Variants in GLI3 observed in about 807,000 individuals in gnomAD.
GLI3 encodes transcription activator GLI3.
In GLI3, 20 loss-of-function variants were observed where a neutral mutation model predicts 100.8. The ratio of observed to expected loss-of-function variants is 0.20; its 90% confidence interval spans 0.14 to 0.29. The LOEUF is 0.29. Ranked by LOEUF, GLI3 falls within the 10% of genes least tolerant of loss-of-function variation. The probability of loss-of-function intolerance (pLI) is 1.00; values close to 1 mark genes in which losing one functional copy is unlikely to be tolerated. For synonymous variants in GLI3, 938 were observed against 860.5 expected, an observed-to-expected ratio of 1.09 and a Z score of -1.58; for missense variants, 2,040 against 2,128.5, an observed-to-expected ratio of 0.96 and a Z score of 0.82.
Position 42,203,557 on chromosome 7 carries a change from T to C in GLI3, c.124+19573A>G, listed in dbSNP as rs1159562461. Among the ~76,000 whole-genome samples, 5 of 152,198 alleles carry C rather than the reference T, an allele frequency of 3.3e-5. No individual in the cohort carries two copies. The East Asian group carries it at 7.7e-4, about 23-fold the overall frequency. ...ATCCATGTTGTCAAAAATGACAGGA[T>C]TGCCTTCTTTTTAATGGCTGCATAG... On this transcript the variant is annotated intron_variant, in intron 2 of 14. Transcript: ENST00000395925.
intron 4 of GLI3, among the ~76,000 whole-genome samples, chr7:42,054,272 A>G (rs931665978): frequency 6.6e-6 from 1 of 152,274 alleles, no homozygotes; most frequent in Non-Finnish European, 1.5e-5. Context: ...AGTTAGAATG[A>G]AATATTATTA....
intron 1 of GLI3, among the ~76,000 whole-genome samples, chr7:42,254,291 C>G (rs1012730493): frequency 6.6e-6 from 1 of 151,080 alleles, no homozygotes; most frequent in African/African-American, 2.4e-5. Context: ...CCAAGATGAC[C>G]TAGTTCACAG....
chr7:42,010,743 C>T (rs1436473468), intron 10 of GLI3, among the ~76,000 whole-genome samples: 1 of 152,176 alleles, frequency 6.6e-6, no homozygotes, highest in East Asian at 1.9e-4. Flanking sequence ...TCCTTATATG[C>T]ACCAAGCAGC....
At chr7:41,967,042 A>G (rs539002984) in intron 14 of GLI3, among the ~76,000 whole-genome samples, 6 of 152,360 alleles carry the variant, frequency 3.9e-5, no homozygotes, top group Admixed American at 2.6e-4. Context: ...GTCCCCAGGC[A>G]AAGGTACTCC....
chr7:41,977,562 T>C lies in GLI3; in HGVS notation c.1808A>G (p.Asn603Ser), dbSNP rs1190159366. The change falls in exon 12 of 15, where the codon AAT (asparagine) becomes AGT (serine). Residue 603 changes from asparagine to serine, a missense_variant. Transcript: ENST00000395925. The stretch of plus-strand genomic sequence containing the variant: ...ATGCCCACTGAGGATGCTTACCTCA[T>C]TGGAATGCGTTCTGTTTTGGTGTTT... ...RAKHQNRTHS[N>S]EKPYVCKIPG... 2 of 1,613,882 alleles carry C rather than the reference T, an allele frequency of 1.2e-6. No individual in the cohort carries two copies. Among genetic ancestry groups the C allele is most frequent in the African/African-American group, 1.3e-5 (1 of 74,938 alleles).
chr7:42,032,888 T>C (rs1394157852), intron 7 of GLI3, among the ~76,000 whole-genome samples: 1 of 152,208 alleles, frequency 6.6e-6, no homozygotes, highest in Non-Finnish European at 1.5e-5. Context: ...CCACAGGACA[T>C]TCTTAACCCT....
At chr7:42,074,274 A>G (rs1245586643) in intron 4 of GLI3, among the ~76,000 whole-genome samples, 2 of 152,222 alleles carry the variant, frequency 1.3e-5, no homozygotes, top group African/African-American at 4.8e-5. Flanking sequence ...TGCAAAGGTC[A>G]GTGGCCAGAG....
intron 3 of GLI3, among the ~76,000 whole-genome samples, chr7:42,123,963 T>C (rs1477554180): frequency 6.6e-6 from 1 of 152,172 alleles, no homozygotes; most frequent in East Asian, 1.9e-4. Context: ...GTTGGTTCTG[T>C]TACTACAGTT....
upstream of GLI3, among the ~76,000 whole-genome samples, chr7:42,238,268 C>T (rs1018030160): frequency 2.6e-5 from 4 of 152,066 alleles, no homozygotes; most frequent in Admixed American, 6.5e-5. Flanking sequence ...CTGCTCCCAT[C>T]TTCTCCCACC....
At chr7:41,968,101 A>G (rs901577882) in intron 13 of GLI3, among the ~76,000 whole-genome samples, 178 bp from the exon 14 acceptor site, 1 of 152,190 alleles carries the variant, frequency 6.6e-6, no homozygotes, top group Non-Finnish European at 1.5e-5. Flanking sequence ...CGGATGGACC[A>G]CCAGGCTGAT....
At chr7:42,040,965 A>G (rs986407026) in intron 6 of GLI3, among the ~76,000 whole-genome samples, 1 of 152,132 alleles carries the variant, frequency 6.6e-6, no homozygotes, top group Admixed American at 6.5e-5. Flanking sequence ...CCTCCCCACA[A>G]TAAAGAATTA....
At chr7:42,084,901 CTTTTTTTTTT>C (rs747166719) in intron 3 of GLI3, among the ~76,000 whole-genome samples, 8 of 47,502 alleles carry the variant, frequency 1.7e-4, no homozygotes, top group South Asian at 1.9e-3. Context: ...CATTTGGATT[CTTTTTTTTTT>C]TTTTTTTTTT....
intron 1 of GLI3, among the ~76,000 whole-genome samples, chr7:42,225,482 C>T (rs894885152): frequency 3.0e-4 from 45 of 152,188 alleles, no homozygotes; most frequent in Non-Finnish European, 5.1e-4. Context: ...GCCTCAGCCT[C>T]CCAAGTAGCT....
chr7:42,263,419 A>G (rs144114139), intron 1 of GLI3, among the ~76,000 whole-genome samples: 4,006 of 151,042 alleles, frequency 0.027, 68 homozygotes, highest in South Asian at 0.042. Context: ...TTTTTCAAGA[A>G]CTCATAAACA....
At chr7:42,172,942 C>G (rs1197850015) in intron 2 of GLI3, among the ~76,000 whole-genome samples, 1 of 152,208 alleles carries the variant, frequency 6.6e-6, no homozygotes, top group East Asian at 1.9e-4. Flanking sequence ...TGGGAAGCAG[C>G]AGTCAGAAGG....
intron 6 of GLI3, 134 bp downstream of exon 6, chr7:42,045,250 C>CA (rs1280262166): frequency 1.1e-6 from 1 of 883,858 alleles, no homozygotes; most frequent in African/African-American, 1.6e-5. Flanking sequence ...ACCAGAGCAC[C>CA]AGATAGTGGT....
chr7:42,095,300 C>T (rs569003659), intron 3 of GLI3, among the ~76,000 whole-genome samples: 3 of 152,280 alleles, frequency 2.0e-5, no homozygotes, highest in African/African-American at 4.8e-5. Context: ...GGAGACCCTC[C>T]GGGAACCACG....
intron 2 of GLI3, chr7:42,149,890 A>T (rs1786814573): frequency 6.6e-6 from 1 of 152,234 alleles, no homozygotes; most frequent in South Asian, 2.1e-4. Context: ...ACAGACTTGC[A>T]TAAAAATACA....
chr7:42,242,624 C>T (rs2128709161), upstream of GLI3, among the ~76,000 whole-genome samples: 1 of 152,236 alleles, frequency 6.6e-6, no homozygotes, highest in Non-Finnish European at 1.5e-5. Flanking sequence ...TCATATCTGT[C>T]CTGCCAAACC....
Sources: allele counts gnomAD v4.1 joint callset (sites outside exome capture counted in the v4.1 genomes callset), GRCh38; gene constraint gnomAD v4.1.1; transcripts MANE v1.5; gene names NCBI Gene and HGNC (gene_info 2026-07-23, HGNC 2026-07-21).